The following SLC22A23 variants were observed in gnomAD, a reference collection of about 807,000 sequenced individuals.
The protein encoded by SLC22A23 is ion transporter protein.
In SLC22A23, 26 loss-of-function variants were observed where a neutral mutation model predicts 61.0. The observed-to-expected ratio is 0.43, with a 90% CI of 0.31 to 0.59. The LOEUF is 0.59. Ranked by LOEUF, SLC22A23 falls within the 20% of genes least tolerant of loss-of-function variation. SLC22A23 has a pLI of 0.11. For synonymous variants in SLC22A23, 430 were observed against 413.9 expected, an observed-to-expected ratio of 1.04 and a Z score of -0.47; for missense variants, 796 against 934.7, an observed-to-expected ratio of 0.85 and a Z score of 1.94.
chr6:3,405,446 GACCGAGC>G (rs905597190), intron 3 of SLC22A23, among the ~76,000 whole-genome samples: 2 of 152,018 alleles, frequency 1.3e-5, no homozygotes, highest in African/African-American at 4.8e-5. Context: ...ACAAAGAGAC[GACCGAGC>G]ACGTATTCAT....
intron 3 of SLC22A23, among the ~76,000 whole-genome samples, chr6:3,407,673 G>A (rs1168844095): frequency 6.6e-6 from 1 of 152,176 alleles, no homozygotes; most frequent in Non-Finnish European, 1.5e-5. Context: ...CTAACAGTGG[G>A]TCAATCACTT....
chr6:3,340,934 G>A (rs910322952), intron 3 of SLC22A23, among the ~76,000 whole-genome samples: 16 of 152,212 alleles, frequency 1.1e-4, no homozygotes, highest in African/African-American at 3.9e-4. Context: ...GTTGAATGAG[G>A]AGGGGCCGGT....
At chr6:3,285,908 C>T (rs1759951276) in intron 7 of SLC22A23, among the ~76,000 whole-genome samples, 1 of 152,126 alleles carries the variant, frequency 6.6e-6, no homozygotes, top group Non-Finnish European at 1.5e-5. Context: ...CCGCAGTGTC[C>T]TGAGCCTGTC....
At chr6:3,290,280 A>C (rs549564887) in intron 5 of SLC22A23, 2 of 239,096 alleles carry the variant, frequency 8.4e-6, no homozygotes, top group East Asian at 2.5e-4. Context: ...TTTTCCGTAC[A>C]CTCTACATCT....
In SLC22A23 at chr6:3,456,245, G is replaced by A; in HGVS notation, c.315C>T (p.Ile105=). The A allele has an allele frequency of 6.4e-7, 1 of 1,551,472 alleles. No individual in the cohort carries two copies. The highest frequency in any genetic ancestry group is 8.7e-7 in the Non-Finnish European group (1 of 1,146,842). ...GGCTGAAGCCGATGAACAGCGCCGG[G>A]ATCCAGGTGAGCAGCACGAGGGTCT... The part of the protein sequence containing the change: ...YQKTLVLLTW[I]PALFIGFSQF... Residue 105 remains isoleucine (I), a synonymous_variant, in exon 1 of 10, where the codon ATC becomes ATT. Coordinates refer to ENST00000406686, the MANE Select transcript of SLC22A23 (RefSeq NM_015482.2). This position sits in a 1 kb window ranked among gnomAD's most constrained non-coding sequence, Gnocchi z 7.1.
chr6:3,389,190 C>A (rs553203154), intron 3 of SLC22A23, among the ~76,000 whole-genome samples: 52 of 147,362 alleles, frequency 3.5e-4, no homozygotes, highest in Non-Finnish European at 6.4e-4. Flanking sequence ...ATCACTGCAA[C>A]CCGGGAGGTG....
intron 9 of SLC22A23, among the ~76,000 whole-genome samples, chr6:3,274,169 T>C (rs540481641): frequency 1.3e-5 from 2 of 152,340 alleles, no homozygotes; most frequent in Admixed American, 6.5e-5. Flanking sequence ...GATTAGTAGA[T>C]ACGCAAAACT....
At chr6:3,433,208 C>A (rs1770985965) in intron 1 of SLC22A23, among the ~76,000 whole-genome samples, 5 of 152,240 alleles carry the variant, frequency 3.3e-5, no homozygotes, top group Admixed American at 3.3e-4. Context: ...GGAGGAAACT[C>A]CTCAGAACAG....
intron 1 of SLC22A23, among the ~76,000 whole-genome samples, chr6:3,418,811 C>T (rs184521312): frequency 6.6e-6 from 1 of 152,356 alleles, no homozygotes; most frequent in Admixed American, 6.5e-5. Flanking sequence ...GATCCGCCTG[C>T]AACACCGCCC....
At chr6:3,339,012 C>T (rs1764010050) in intron 3 of SLC22A23, among the ~76,000 whole-genome samples, 1 of 152,134 alleles carries the variant, frequency 6.6e-6, no homozygotes, top group Non-Finnish European at 1.5e-5. Flanking sequence ...GTGGAGGTGC[C>T]AGATGAAGAG....
chr6:3,378,653 TTTTC>T (rs1766744739), intron 3 of SLC22A23, among the ~76,000 whole-genome samples: 2 of 77,080 alleles, frequency 2.6e-5, no homozygotes, highest in African/African-American at 9.7e-5. Flanking sequence ...TTCTTTTCTT[TTTTC>T]TTTTTTTTTT....
chr6:3,309,162 A>C lies in SLC22A23; in HGVS notation c.1083-10944T>G, dbSNP rs953263251. 6.6e-6 allele frequency among the ~76,000 whole-genome samples: 1 copy of C among 152,086 alleles called. No individual in the cohort carries two copies. The highest frequency in any genetic ancestry group is 1.5e-5 in the Non-Finnish European group (1 of 68,016). ...CTAAAAACGCAAAAATTAGCCAAGC[A>C]TGGTGGCGGCTGCCTATAATCCCAG... is the stretch of plus-strand genomic sequence containing the variant. On this transcript the variant is annotated intron_variant, in intron 4 of 9. Coordinates refer to ENST00000406686, the MANE Select transcript of SLC22A23 (RefSeq NM_015482.2). The surrounding 1 kb of genome is among the most constrained non-coding windows in gnomAD (Gnocchi z 4.7).
rs185859918 is a variant in SLC22A23, at chr6:3,394,261, G to A, written c.913+15927C>T. On this transcript the variant is annotated intron_variant, in intron 3 of 9. Coordinates refer to ENST00000406686, the MANE Select transcript of SLC22A23 (RefSeq NM_015482.2). ...TAAATCCTTGCAAAGAACAAGATCCGTGTATCACAGAGTCATCAGATACTC... is the reference window on the plus strand; with the variant it reads ...TAAATCCTTGCAAAGAACAAGATCCATGTATCACAGAGTCATCAGATACTC... Among the ~76,000 whole-genome samples the A allele has an allele frequency of 3.6e-3, 542 of 152,158 alleles. 6 individuals are homozygous for A. Among genetic ancestry groups the A allele is most frequent in the African/African-American group, 0.012 (518 of 41,508 alleles).
chr6:3,448,736 C>T (rs957230435), intron 1 of SLC22A23, among the ~76,000 whole-genome samples: 11 of 152,298 alleles, frequency 7.2e-5, no homozygotes, highest in African/African-American at 2.2e-4. Flanking sequence ...CCTCGTGATC[C>T]GCCCACCTCG....
chr6:3,277,759 A>G lies in SLC22A23; in HGVS notation c.1704-4347T>C, dbSNP rs112811310. 9.0e-4 allele frequency among the ~76,000 whole-genome samples: 137 copies of G among 152,348 alleles called. 2 individuals carry two copies. The highest frequency in any genetic ancestry group is 3.2e-3 in the African/African-American group (131 of 41,574). On this transcript the variant is annotated intron_variant, in intron 9 of 9. Coordinates refer to ENST00000406686, the MANE Select transcript of SLC22A23 (RefSeq NM_015482.2). ...ATAGTCGGATTTCTAGACTGGCCCCAGTAATTCCCACCCTTGTGCCTTGAG... is the reference window on the plus strand; with the variant it reads ...ATAGTCGGATTTCTAGACTGGCCCCGGTAATTCCCACCCTTGTGCCTTGAG...
chr6:3,347,132 C>CA (rs1292937126), intron 3 of SLC22A23, among the ~76,000 whole-genome samples: 1 of 152,194 alleles, frequency 6.6e-6, no homozygotes, highest in African/African-American at 2.4e-5. Flanking sequence ...TAACTACCCC[C>CA]ACGCTGTGAT....
At chr6:3,280,295 G>A (rs1265269945) in intron 9 of SLC22A23, among the ~76,000 whole-genome samples, 3 of 152,048 alleles carry the variant, frequency 2.0e-5, no homozygotes, top group Admixed American at 1.3e-4. Flanking sequence ...GGCCACACAG[G>A]GAGGCGGCCT....
intron 9 of SLC22A23, chr6:3,282,432 A>G (rs911292812): frequency 1.6e-6 from 1 of 630,998 alleles, no homozygotes; most frequent in Non-Finnish European, 2.8e-6. Flanking sequence ...ATACGATCCA[A>G]GAGAATGAAT....
chr6:3,430,455 G>T (rs993931608), intron 1 of SLC22A23, among the ~76,000 whole-genome samples: 6 of 152,046 alleles, frequency 3.9e-5, no homozygotes, highest in Non-Finnish European at 8.8e-5. Flanking sequence ...CTTCCTTTGT[G>T]CCACCACCCA....
Sources: allele counts gnomAD v4.1 joint callset (sites outside exome capture counted in the v4.1 genomes callset), GRCh38; gene constraint gnomAD v4.1.1; non-coding constraint Gnocchi (gnomAD v3.1); transcripts MANE v1.5; gene names NCBI Gene and HGNC (gene_info 2026-07-23, HGNC 2026-07-21).